SNRNP70: variants seen among roughly 807,000 people sequenced by gnomAD.
SNRNP70 encodes the protein small nuclear ribonucleoprotein U1 subunit 70.
A neutral mutation model predicts 50.5 loss-of-function variants in SNRNP70; 8 were observed. The ratio of observed to expected loss-of-function variants is 0.16; its 90% CI spans 0.09 to 0.29. The LOEUF is 0.29. Ranked by LOEUF, SNRNP70 falls within the 10% of genes least tolerant of loss-of-function variation. The pLI is 1.00. For synonymous variants in SNRNP70, 320 were observed against 252.9 expected, an observed-to-expected ratio of 1.27 and a Z score of -2.52; for missense variants, 529 against 663.5, an observed-to-expected ratio of 0.80 and a Z score of 2.23.
intron 4 of SNRNP70, among the ~76,000 whole-genome samples, chr19:49,092,523 C>G (rs544919116): frequency 2.0e-5 from 3 of 150,540 alleles, no homozygotes; most frequent in African/African-American, 7.3e-5. Flanking sequence ...ATTCTCCTGC[C>G]TCAGCCTTCT....
intron 5 of SNRNP70, 49 bp downstream of exon 5, chr19:49,098,540 G>A: frequency 6.2e-7 from 1 of 1,601,616 alleles, no homozygotes; most frequent in East Asian, 2.2e-5. Flanking sequence ...CTGAGAGCCT[G>A]GGTCTGGCAC....
chr19:49,092,558 G>A (rs2040460609), intron 4 of SNRNP70, among the ~76,000 whole-genome samples: 1 of 152,036 alleles, frequency 6.6e-6, no homozygotes, highest in Non-Finnish European at 1.5e-5. Flanking sequence ...ACAGGCGTGC[G>A]CCACCATGCC....
At chr19:49,088,969 A>C (rs2040416154) in intron 2 of SNRNP70, among the ~76,000 whole-genome samples, 1 of 152,098 alleles carries the variant, frequency 6.6e-6, no homozygotes. Context: ...CTCCCATCAC[A>C]TCCTCTGGCA....
At chr19:49,096,363 G>A (rs1172128256) in intron 4 of SNRNP70, among the ~76,000 whole-genome samples, 1 of 152,080 alleles carries the variant, frequency 6.6e-6, no homozygotes, top group East Asian at 1.9e-4. Flanking sequence ...AGCCTGGCAA[G>A]GAACTTGAGG....
chr19:49,086,375 A>G (rs2040379832), intron 1 of SNRNP70, 30 bp from the exon 2 acceptor site: 3 of 1,602,416 alleles, frequency 1.9e-6, no homozygotes, highest in Non-Finnish European at 2.6e-6. Context: ...GACCCGATCT[A>G]ACCTAAGGCT....
At chr19:49,099,969 CGTT>C (rs1045819942) in intron 6 of SNRNP70, among the ~76,000 whole-genome samples, 5 of 152,106 alleles carry the variant, frequency 3.3e-5, no homozygotes, top group Non-Finnish European at 7.4e-5. Flanking sequence ...CACACACACA[CGTT>C]GTTCTGCCTT....
In SNRNP70 at chr19:49,107,187, C is replaced by T. The variant is rs1214090565; in HGVS notation, c.578-438C>T. The stretch of plus-strand genomic sequence containing the variant: ...CCGCGGCTCAGACGCTAGCAGGGCC[C>T]GCTCTTGCTGCCTCTACCACCAGTT... On this transcript the variant is annotated intron_variant, in intron 8 of 9. Coordinates refer to ENST00000598441, the MANE Select transcript of SNRNP70 (RefSeq NM_003089.6). The surrounding 1 kb of genome is among the most constrained non-coding windows in gnomAD (Gnocchi z 6.0). Among the ~76,000 whole-genome samples the T allele has an allele frequency of 1.3e-5, 2 of 152,190 alleles. No homozygotes were observed. Among genetic ancestry groups the T allele is most frequent in the East Asian group, 1.9e-4 (1 of 5,188 alleles).
Position 49,085,494 on chromosome 19 carries a change from T to G in SNRNP70, c.-153T>G, listed in dbSNP as rs920391601. On this transcript the variant is annotated 5_prime_UTR_variant, in exon 1 of 10. Transcript: ENST00000598441. Reference sequence around the variant, plus strand: ...CGCGGGTGGCTGAGCAGCGGCCTGGTGCGCTCGCTTAGCGGGCGACGGAAT... The same window carrying G: ...CGCGGGTGGCTGAGCAGCGGCCTGGGGCGCTCGCTTAGCGGGCGACGGAAT... The G allele has an allele frequency of 4.4e-6, 2 of 453,302 alleles. No individual in the cohort carries two copies. Among genetic ancestry groups the G allele is most frequent in the Non-Finnish European group, 8.9e-6 (2 of 225,110 alleles). The allele number at this position is 453,302 out of a possible 1,614,324, so 28.1% of individuals were successfully genotyped here. A position where few individuals can be genotyped will look rare whatever the true frequency, so the allele number is the denominator to read the frequency against.
At chr19:49,086,307 T>G in intron 1 of SNRNP70, 98 bp from the exon 2 acceptor site, 1 of 1,383,548 alleles carries the variant, frequency 7.2e-7, no homozygotes, top group South Asian at 1.4e-5. Context: ...ATTCCGAGAC[T>G]TTTCTCCTGT....
intron 4 of SNRNP70, among the ~76,000 whole-genome samples, chr19:49,091,033 TTCAC>T (rs2040440977): frequency 6.6e-6 from 1 of 152,126 alleles, no homozygotes; most frequent in African/African-American, 2.4e-5. Flanking sequence ...ATAGCAGTGT[TTCAC>T]TCAGCAGGGG....
chr19:49,088,233 C>T (rs1414307020), intron 2 of SNRNP70, among the ~76,000 whole-genome samples: 19 of 122,524 alleles, frequency 1.6e-4, no homozygotes, highest in African/African-American at 1.9e-4. Context: ...CTTGGAGTCT[C>T]GCTCTGTTGC....
intron 4 of SNRNP70, among the ~76,000 whole-genome samples, chr19:49,091,636 C>T (rs560658397): frequency 5.9e-5 from 9 of 152,306 alleles, no homozygotes; most frequent in African/African-American, 1.9e-4. Context: ...AGTGAGAAGA[C>T]AGGTTTTCCT....
intron 6 of SNRNP70, among the ~76,000 whole-genome samples, 157 bp from the exon 7 acceptor site, chr19:49,101,233 C>T (rs1011600813): frequency 2.7e-4 from 41 of 152,268 alleles, no homozygotes; most frequent in Admixed American, 2.2e-3. Flanking sequence ...GTGTCCTCTG[C>T]TCCTGCCATT....
At chr19:49,099,073 G>A (rs1184844215) in intron 6 of SNRNP70, among the ~76,000 whole-genome samples, 1 of 152,176 alleles carries the variant, frequency 6.6e-6, no homozygotes, top group Non-Finnish European at 1.5e-5. Flanking sequence ...CTGGGTCTTG[G>A]CAGAATACCT....
rs1315588710 is a variant in SNRNP70, at chr19:49,102,284, C to T, written c.475+813C>T. 6 of 708,048 alleles carry T rather than the reference C, an allele frequency of 8.5e-6. No individual in the cohort carries two copies. In the Admixed American group the frequency reaches 9.5e-5, roughly 11 times the overall value. 43.9% of individuals were successfully genotyped at this position (708,048 alleles called of 1,614,324 possible). ...GCGCCCCTCCTCCCACCCCAGTCGC[C>T]CCCGTAGCCTCCCCGCACCCATGGC... On this transcript the variant is annotated intron_variant, in intron 7 of 9. Transcript: ENST00000598441.
At chr19:49,088,157 C>T (rs191868434) in intron 2 of SNRNP70, among the ~76,000 whole-genome samples, 1 of 149,476 alleles carries the variant, frequency 6.7e-6, no homozygotes, top group Admixed American at 6.7e-5. Context: ...TCCCAGAGTG[C>T]TGGGATTACA....
At chr19:49,101,119 T>TA (rs1204724395) in intron 6 of SNRNP70, among the ~76,000 whole-genome samples, 1 of 152,232 alleles carries the variant, frequency 6.6e-6, no homozygotes, top group Non-Finnish European at 1.5e-5. Context: ...CCTCTGGAGT[T>TA]ACTGCTATTC....
At chr19:49,101,786 T>C (rs868635727) in intron 7 of SNRNP70, 1 of 405,710 alleles carries the variant, frequency 2.5e-6, no homozygotes, top group African/African-American at 2.1e-5. Context: ...GGTCGGATTT[T>C]GGGGGAACCT....
At position 49,107,719 on chromosome 19, in the gene SNRNP70, T is replaced by G. The variant is rs1408895463; in HGVS notation, c.665+7T>G. 1 of 1,613,598 alleles carries G rather than the reference T, an allele frequency of 6.2e-7. No homozygotes were observed. The highest frequency in any genetic ancestry group is 1.3e-5 in the African/African-American group (1 of 74,816). Reference sequence around the variant, plus strand: ...CCTCCCGCTACGATGAGAGGTAAGATTGGGCGACCGGTGTCCTGGGGTGGG... The same window carrying G: ...CCTCCCGCTACGATGAGAGGTAAGAGTGGGCGACCGGTGTCCTGGGGTGGG... On this transcript the variant is annotated splice_region_variant and intron_variant, in intron 9 of 9. Transcript: ENST00000598441. This position sits in a 1 kb window ranked among gnomAD's most constrained non-coding sequence, Gnocchi z 6.0.
Sources: allele counts gnomAD v4.1 joint callset (sites outside exome capture counted in the v4.1 genomes callset), GRCh38; gene constraint gnomAD v4.1.1; non-coding constraint Gnocchi (gnomAD v3.1); transcripts MANE v1.5; gene names NCBI Gene and HGNC (gene_info 2026-07-23, HGNC 2026-07-21).